Variants in RIN2 observed in about 807,000 individuals in gnomAD.
RIN2 encodes Ras and Rab interactor 2.
Under a neutral mutation model 78.0 loss-of-function variants are expected in RIN2, and 36 were observed. The ratio of observed to expected loss-of-function variants is 0.46; its 90% CI spans 0.35 to 0.61. RIN2 has a LOEUF of 0.61. RIN2 is among the 20% of genes least tolerant of loss of function. The pLI is 0.00. For synonymous variants in RIN2, 466 were observed against 466.8 expected (o/e 1.00, Z 0.02); for missense variants, 1,087 against 1,159.7 (o/e 0.94, Z 0.91).
chr20:19,940,502 T>C (rs1388081982), intron 4 of RIN2, among the ~76,000 whole-genome samples: 1 of 152,238 alleles, frequency 6.6e-6, no homozygotes, highest in Non-Finnish European at 1.5e-5. Flanking sequence ...TGAGCTATTT[T>C]AATCTTTGGC....
chr20:19,924,514 CT>C (rs1293854854), intron 3 of RIN2, among the ~76,000 whole-genome samples: 20 of 39,076 alleles, frequency 5.1e-4, no homozygotes, highest in Non-Finnish European at 6.1e-4. Context: ...CACCTTCACA[CT>C]CCCACCTTCG....
At chr20:19,795,779 C>T (rs1238408224) in intron 1 of RIN2, among the ~76,000 whole-genome samples, 2 of 152,124 alleles carry the variant, frequency 1.3e-5, no homozygotes, top group African/African-American at 4.8e-5. Flanking sequence ...CACACCTACC[C>T]CATGCATCAT....
In RIN2 at chr20:19,864,439, C is replaced by T. The variant is rs536237694; in HGVS notation, c.-36-25127C>T. ...GGCTCTATAAACAAAATTACCAGGT[C>T]GTGAAACACAGCATCCTTTGAATCC... On this transcript the variant is annotated intron_variant, in intron 2 of 12. Coordinates refer to ENST00000255006, the MANE Select transcript of RIN2 (RefSeq NM_018993.4). Among the ~76,000 whole-genome samples, 110 of 152,290 alleles carry T rather than the reference C, an allele frequency of 7.2e-4. 1 individual carries two copies. Among genetic ancestry groups the T allele is most frequent in the South Asian group, 1.5e-3 (7 of 4,818 alleles).
Position 19,934,966 on chromosome 20 carries a change from T to C in RIN2, c.58-133T>C, listed in dbSNP as rs571136530. On this transcript the variant is annotated intron_variant, in intron 3 of 12. Coordinates refer to ENST00000255006, the MANE Select transcript of RIN2 (RefSeq NM_018993.4). ...CTAGAGGAAATTCACAGAGCCAAGA[T>C]TAAAAAAAAAAAAAAAGAAATAGAA... 9.7e-6 allele frequency: 6 copies of C among 615,982 alleles called. No homozygotes were observed. In the Admixed American group the frequency reaches 1.6e-4, roughly 16 times the overall value. 38.2% of individuals were successfully genotyped at this position (615,982 alleles called of 1,614,324 possible). A position where few individuals can be genotyped will look rare whatever the true frequency, so the allele number is the denominator to read the frequency against.
At chr20:19,828,015 G>A (rs144707123) in intron 2 of RIN2, among the ~76,000 whole-genome samples, 1 of 152,116 alleles carries the variant, frequency 6.6e-6, no homozygotes, top group East Asian at 1.9e-4. Context: ...TTTGCATGCT[G>A]CCCAGCTGTG....
At chr20:19,829,844 T>C (rs2036200324) in intron 2 of RIN2, among the ~76,000 whole-genome samples, 1 of 152,172 alleles carries the variant, frequency 6.6e-6, no homozygotes, top group Admixed American at 6.5e-5. Flanking sequence ...AGCTCTGCCA[T>C]GGCCCCTGAC....
chr20:19,829,567 G>A (rs1376242249), intron 2 of RIN2, among the ~76,000 whole-genome samples: 3 of 152,174 alleles, frequency 2.0e-5, no homozygotes, highest in African/African-American at 7.2e-5. Flanking sequence ...AAAATCCACT[G>A]TTGTGACTAT....
intron 2 of RIN2, among the ~76,000 whole-genome samples, chr20:19,847,990 A>G (rs774730021): frequency 2.0e-4 from 30 of 152,272 alleles, no homozygotes; most frequent in Admixed American, 3.9e-4. Flanking sequence ...GATGTAAATG[A>G]ATGAGCAGGG....
intron 4 of RIN2, among the ~76,000 whole-genome samples, chr20:19,942,753 G>A (rs11698889): frequency 0.021 from 3,172 of 152,182 alleles, 33 homozygotes; most frequent in African/African-American, 0.036. Flanking sequence ...TTTTGTTGAC[G>A]GGTAGCACCT....
chr20:19,885,157 A>G (rs1407370882), intron 2 of RIN2, among the ~76,000 whole-genome samples: 1 of 152,190 alleles, frequency 6.6e-6, no homozygotes, highest in African/African-American at 2.4e-5. Flanking sequence ...AGTGGAATCC[A>G]ATATAATTGC....
At chr20:19,760,901 T>C (rs1319778974) in intron 1 of RIN2, among the ~76,000 whole-genome samples, 2 of 152,184 alleles carry the variant, frequency 1.3e-5, no homozygotes, top group Admixed American at 1.3e-4. Flanking sequence ...TATGTGTATG[T>C]ATCTCTTAAA....
intron 3 of RIN2, among the ~76,000 whole-genome samples, chr20:19,903,976 C>T (rs1358095903): frequency 1.4e-4 from 22 of 152,120 alleles, no homozygotes; most frequent in Non-Finnish European, 2.9e-5. Context: ...ATGGGCCGGG[C>T]GCCATGGCTC....
At chr20:19,789,679 A>G (rs2059132964) in intron 1 of RIN2, among the ~76,000 whole-genome samples, 1 of 152,020 alleles carries the variant, frequency 6.6e-6, no homozygotes, top group South Asian at 2.1e-4. Flanking sequence ...GGGTCGTAGG[A>G]CTCTCAGGGA....
intron 3 of RIN2, among the ~76,000 whole-genome samples, chr20:19,932,089 C>G (rs901473635): frequency 1.3e-5 from 2 of 152,270 alleles, no homozygotes; most frequent in Admixed American, 1.3e-4. Flanking sequence ...AATTTAATTG[C>G]CATTGTAACG....
chr20:19,970,307 A>T (rs2042064769), intron 7 of RIN2, among the ~76,000 whole-genome samples: 1 of 152,190 alleles, frequency 6.6e-6, no homozygotes, highest in East Asian at 1.9e-4. Context: ...AACACAGGAG[A>T]ACGTTTTGTC....
At chr20:19,848,050 G>A (rs1362943106) in intron 2 of RIN2, among the ~76,000 whole-genome samples, 1 of 152,170 alleles carries the variant, frequency 6.6e-6, no homozygotes, top group East Asian at 1.9e-4. Context: ...GGCCAGATTT[G>A]CTGACTCCTG....
At chr20:19,897,020 A>T (rs763570724) in intron 3 of RIN2, among the ~76,000 whole-genome samples, 9 of 152,078 alleles carry the variant, frequency 5.9e-5, no homozygotes, top group Non-Finnish European at 1.2e-4. Flanking sequence ...TGTACATGTT[A>T]TTTGAAAACA....
intron 2 of RIN2, among the ~76,000 whole-genome samples, chr20:19,829,020 G>A (rs758416898): frequency 4.6e-5 from 7 of 152,182 alleles, no homozygotes; most frequent in Non-Finnish European, 1.0e-4. Flanking sequence ...ATTCAAATTT[G>A]TGCCTCAGCA....
chr20:19,958,625 T>C (rs905837498), intron 5 of RIN2, among the ~76,000 whole-genome samples: 5 of 152,180 alleles, frequency 3.3e-5, no homozygotes, highest in Admixed American at 6.5e-5. Context: ...TCCCAGCACT[T>C]TGGGAGGCCA....
Sources: gnomAD v4.1 joint callset for allele counts (sites outside exome capture counted in the v4.1 genomes callset) on GRCh38, gnomAD v4.1.1 for gene constraint, MANE v1.5 for transcripts, NCBI Gene and HGNC (gene_info 2026-07-23, HGNC 2026-07-21) for gene names.